FOXN3: variants seen among roughly 807,000 people sequenced by gnomAD.
FOXN3 encodes the protein forkhead box N3, also known as forkhead box protein N3.
FOXN3 carries 7 observed loss-of-function variants against 38.4 expected under a neutral mutation model. The observed-to-expected ratio is 0.18, with a 90% CI of 0.10 to 0.34. The LOEUF is 0.34. FOXN3 is among the 10% of genes least tolerant of loss of function. FOXN3 has a pLI of 1.00. For synonymous variants in FOXN3, 230 were observed against 242.2 expected (o/e 0.95, Z 0.47); for missense variants, 456 against 613.4 (o/e 0.74, Z 2.71).
At chr14:89,571,296 G>A (rs575766095) in intron 1 of FOXN3, among the ~76,000 whole-genome samples, 15 of 152,236 alleles carry the variant, frequency 9.9e-5, no homozygotes, top group South Asian at 8.3e-4. Context: ...ATCATTTGAG[G>A]TCAGGAGTTT....
At chr14:89,176,922 G>C (rs1176438499) in intron 5 of FOXN3, among the ~76,000 whole-genome samples, 2 of 152,112 alleles carry the variant, frequency 1.3e-5, no homozygotes, top group Non-Finnish European at 2.9e-5. Context: ...TAAAACTGAG[G>C]GGGGCAAGTT....
chr14:89,325,049 A>C (rs1888010256), intron 3 of FOXN3, among the ~76,000 whole-genome samples: 1 of 152,166 alleles, frequency 6.6e-6, no homozygotes, highest in East Asian at 1.9e-4. Context: ...TAAAAATGCA[A>C]TTCCATGGGC....
rs1887179718 is a variant in FOXN3 at position 89,164,176 on chromosome 14, G to A, written c.852-1207C>T. Among the ~76,000 whole-genome samples the A allele has an allele frequency of 6.6e-6, 1 of 152,210 alleles. No homozygotes were observed. The highest frequency in any genetic ancestry group is 1.5e-5 in the Non-Finnish European group (1 of 68,026). The stretch of plus-strand genomic sequence containing the variant: ...GACCCATGCTCCTTATGTCTGGGAG[G>A]CAGCTGCCTGTCTGTTAGTGCCTGG... On this transcript the variant is annotated intron_variant, in intron 5 of 5. Transcript: ENST00000557258. This position sits in a 1 kb window ranked among gnomAD's most constrained non-coding sequence, Gnocchi z 4.3.
At chr14:89,579,155 T>C (rs895844363) in intron 1 of FOXN3, among the ~76,000 whole-genome samples, 3 of 127,480 alleles carry the variant, frequency 2.4e-5, no homozygotes, top group Non-Finnish European at 5.0e-5. Flanking sequence ...CAGCCATTTT[T>C]TTTTTTTTTT....
Position 89,520,168 on chromosome 14 carries a change from G to A in FOXN3, c.-15+98860C>T, listed in dbSNP as rs139418127. On this transcript the variant is annotated intron_variant, in intron 1 of 6. Coordinates refer to the FOXN3 transcript ENST00000345097. ...AACTGGGACTACCGCCGTGTACCTCGACGTCCAGTGACATTTTGAACTTTT... is the reference window on the plus strand; with the variant it reads ...AACTGGGACTACCGCCGTGTACCTCAACGTCCAGTGACATTTTGAACTTTT... 3.8e-3 allele frequency among the ~76,000 whole-genome samples: 581 copies of A among 150,996 alleles called. 1 individual carries two copies. The highest frequency in any genetic ancestry group is 0.014 in the Middle Eastern group (4 of 292).
intron 1 of FOXN3, among the ~76,000 whole-genome samples, chr14:89,425,806 C>T (rs924662719): frequency 2.6e-5 from 4 of 152,156 alleles, no homozygotes; most frequent in African/African-American, 7.2e-5. Flanking sequence ...TTTCATCAAC[C>T]AATGAAAACT....
intron 3 of FOXN3, among the ~76,000 whole-genome samples, chr14:89,313,575 T>C (rs1262278849): frequency 8.1e-6 from 1 of 123,446 alleles, no homozygotes; most frequent in Admixed American, 8.2e-5. Flanking sequence ...AAAAAAAGAA[T>C]TGACAAGAGA....
chr14:89,208,807 C>T (rs1055761332), intron 4 of FOXN3, among the ~76,000 whole-genome samples: 6 of 152,162 alleles, frequency 3.9e-5, no homozygotes, highest in Non-Finnish European at 7.3e-5. Flanking sequence ...CTTGAATTAG[C>T]GGGCTGGATG....
At chr14:89,356,018 T>C (rs1889206597) in intron 2 of FOXN3, among the ~76,000 whole-genome samples, 1 of 151,210 alleles carries the variant, frequency 6.6e-6, no homozygotes, top group Admixed American at 6.6e-5. Context: ...ACAATTTCAG[T>C]TTGTGCAGAA....
intron 1 of FOXN3, among the ~76,000 whole-genome samples, chr14:89,478,756 AC>A (rs1204874372): frequency 6.6e-6 from 1 of 151,896 alleles, no homozygotes; most frequent in Admixed American, 6.6e-5. Flanking sequence ...ACATGGTGAA[AC>A]CCTGTCTCTA....
At chr14:89,361,332 ACCACCACCACCTCCAGCACCACCT>A (rs1889629572) in intron 2 of FOXN3, among the ~76,000 whole-genome samples, 1 of 24,100 alleles carries the variant, frequency 4.1e-5, no homozygotes, top group Admixed American at 4.4e-4. Context: ...CACCACCTCC[ACCACCACCACCTCCAGCACCACCT>A]CCACCACCAC....
chr14:89,436,569 G>A (rs374730876), intron 1 of FOXN3, among the ~76,000 whole-genome samples: 1 of 152,178 alleles, frequency 6.6e-6, no homozygotes, highest in Non-Finnish European at 1.5e-5. Flanking sequence ...GGGGTTCGTC[G>A]AATGGGCAGC....
At chr14:89,418,486 G>C (rs1043863337), upstream of FOXN3, among the ~76,000 whole-genome samples, 1 of 129,486 alleles carries the variant, frequency 7.7e-6, no homozygotes, top group Non-Finnish European at 1.5e-5. Flanking sequence ...CTTCAGCAAA[G>C]ATGTGCCTTT....
In FOXN3 at chr14:89,221,312, C is replaced by G. The variant is rs189274834; in HGVS notation, c.746-40506G>C. 3.4e-4 allele frequency among the ~76,000 whole-genome samples: 52 copies of G among 152,270 alleles called. No individual in the cohort carries two copies. In the East Asian group the frequency reaches 8.3e-3, roughly 24 times the overall value. On this transcript the variant is annotated intron_variant, in intron 4 of 5. Transcript: ENST00000557258. The stretch of plus-strand genomic sequence containing the variant: ...TGCTATGACAACCAATAACATTTTG[C>G]ACACCACAGAGCACTATATCATGTA...
chr14:89,487,874 T>G (rs970853114), intron 1 of FOXN3, among the ~76,000 whole-genome samples: 2 of 152,108 alleles, frequency 1.3e-5, no homozygotes, highest in African/African-American at 4.8e-5. Flanking sequence ...GAAGGCATCA[T>G]GAAGACAATA....
rs532583812 is a variant in FOXN3, at chr14:89,412,742, C to G, written c.-14-252G>C. ...TGATGCCCCTTAAATAAAATAAGAC[C>G]AGTAACACCGGCCAGGCACGGTGGC... On this transcript the variant is annotated intron_variant, in intron 1 of 5. Coordinates refer to ENST00000557258, the MANE Select transcript of FOXN3 (RefSeq NM_005197.4). This position sits in a 1 kb window ranked among gnomAD's most constrained non-coding sequence, Gnocchi z 4.7. Among the ~76,000 whole-genome samples the G allele has an allele frequency of 9.2e-5, 14 of 152,228 alleles. No individual in the cohort carries two copies. Among genetic ancestry groups the G allele is most frequent in the African/African-American group, 3.4e-4 (14 of 41,530 alleles).
At chr14:89,441,848 C>G (rs1397560138) in intron 1 of FOXN3, among the ~76,000 whole-genome samples, 1 of 151,758 alleles carries the variant, frequency 6.6e-6, no homozygotes, top group Non-Finnish European at 1.5e-5. Flanking sequence ...AGCACACTGG[C>G]AGCATTAACC....
At chr14:89,181,078 G>A (rs1003438302) in intron 4 of FOXN3, among the ~76,000 whole-genome samples, 31 of 150,966 alleles carry the variant, frequency 2.1e-4, no homozygotes, top group African/African-American at 6.8e-4. Flanking sequence ...ACACACACAC[G>A]TGCACACACA....
At chr14:89,224,078 A>C (rs1323086755) in intron 4 of FOXN3, among the ~76,000 whole-genome samples, 2 of 152,204 alleles carry the variant, frequency 1.3e-5, no homozygotes, top group African/African-American at 4.8e-5. Flanking sequence ...TTTTGATTTG[A>C]AGTCAAAATC....
Sources: allele counts gnomAD v4.1 joint callset (sites outside exome capture counted in the v4.1 genomes callset), GRCh38; gene constraint gnomAD v4.1.1; non-coding constraint Gnocchi (gnomAD v3.1); transcripts MANE v1.5; gene names NCBI Gene and HGNC (gene_info 2026-07-23, HGNC 2026-07-21).